DGKI: variants seen among roughly 807,000 people sequenced by gnomAD.
DGKI encodes DAG kinase iota.
In DGKI, 55 loss-of-function variants were observed where a neutral mutation model predicts 147.5. The observed-to-expected ratio is 0.37, with a 90% CI of 0.30 to 0.47. The LOEUF is 0.47. Ranked by LOEUF, DGKI falls within the 20% of genes least tolerant of loss-of-function variation. The probability of loss-of-function intolerance (pLI) is 1.00; values close to 1 mark genes in which losing one functional copy is unlikely to be tolerated. For missense variants in DGKI, 1,007 were observed against 1,323.8 expected (o/e 0.76, Z 3.71); for synonymous variants, 469 against 477.1 (o/e 0.98, Z 0.22).
chr7:137,390,225 C>T lies in DGKI; in HGVS notation c.*995G>A, dbSNP rs1301376802. The T allele has an allele frequency of 6.6e-6, 1 of 152,096 alleles. No individual in the cohort carries two copies. The highest frequency in any genetic ancestry group is 1.5e-5 in the Non-Finnish European group (1 of 67,970). 9.4% of individuals were successfully genotyped at this position (152,096 alleles called of 1,614,324 possible). On this transcript the variant is annotated 3_prime_UTR_variant, in exon 33 of 33. Coordinates refer to ENST00000614521, the MANE Select transcript of DGKI (RefSeq NM_001321708.2). ...AATTAGGGTGCTTTCTATTATCATT[C>T]AACAAAGTTTAGAAGTAAACATTGT...
chr7:137,751,339 T>C (rs980772067), intron 1 of DGKI, among the ~76,000 whole-genome samples: 22 of 152,248 alleles, frequency 1.4e-4, no homozygotes, highest in Non-Finnish European at 3.1e-4. Flanking sequence ...TCTGTTATGT[T>C]AGCAGATTCC....
At position 137,619,430 on chromosome 7, in the gene DGKI, A is replaced by T. The variant is rs995978873; in HGVS notation, c.993+394T>A. Among the ~76,000 whole-genome samples, 3 of 152,222 alleles carry T rather than the reference A, an allele frequency of 2.0e-5. No individual in the cohort carries two copies. In the South Asian group the frequency reaches 6.2e-4, roughly 32 times the overall value. On this transcript the variant is annotated intron_variant, in intron 8 of 32. Coordinates refer to ENST00000614521, the MANE Select transcript of DGKI (RefSeq NM_001321708.2). ...TGGCAGGAATCTTAACCAAACCATG[A>T]AGCCTGAACAGTTTGCCCTCACACT...
chr7:137,477,967 G>C (rs1166598016), intron 23 of DGKI, among the ~76,000 whole-genome samples: 1 of 152,136 alleles, frequency 6.6e-6, no homozygotes, highest in Non-Finnish European at 1.5e-5. Flanking sequence ...AGCTACATTT[G>C]TATTTTTAAA....
intron 1 of DGKI, among the ~76,000 whole-genome samples, chr7:137,777,212 G>A (rs1796387938): frequency 6.6e-6 from 1 of 152,028 alleles, no homozygotes. Context: ...AAAAGGATGA[G>A]GCGGGAGAAA....
intron 12 of DGKI, among the ~76,000 whole-genome samples, chr7:137,595,063 C>T (rs1210878026): frequency 6.6e-6 from 1 of 152,060 alleles, no homozygotes; most frequent in Admixed American, 6.5e-5. Flanking sequence ...TGAATTACAT[C>T]AGAGGAGGTA....
rs546600707 is a variant in DGKI at position 137,472,117 on chromosome 7, A to ATT, written c.2374-2499_2374-2498insAA. Among the ~76,000 whole-genome samples the ATT allele has an allele frequency of 2.4e-3, 283 of 116,710 alleles. 6 individuals are homozygous for ATT. Among genetic ancestry groups the ATT allele is most frequent in the African/African-American group, 9.8e-3 (264 of 26,846 alleles). The allele number at this position is 116,710 out of a possible 152,430, so 76.6% of individuals were successfully genotyped here. A position where few individuals can be genotyped will look rare whatever the true frequency, so the allele number is the denominator to read the frequency against. On this transcript the variant is annotated intron_variant, in intron 23 of 32. Transcript: ENST00000614521. ...TACACATATATGTGTATATATACAT[A>ATT]TAAATATATATACACATATATATGT...
At chr7:137,592,535 C>T (rs889446168) in intron 12 of DGKI, among the ~76,000 whole-genome samples, 3 of 152,196 alleles carry the variant, frequency 2.0e-5, no homozygotes, top group African/African-American at 4.8e-5. Flanking sequence ...TTTCATTCTG[C>T]AGTATACTAA....
intron 20 of DGKI, among the ~76,000 whole-genome samples, chr7:137,525,749 A>T (rs1422837614): frequency 1.3e-5 from 2 of 152,206 alleles, no homozygotes; most frequent in African/African-American, 4.8e-5. Context: ...TCATTATAAT[A>T]ATTATTCTGA....
intron 28 of DGKI, among the ~76,000 whole-genome samples, chr7:137,423,775 A>T (rs1449465138): frequency 6.6e-6 from 1 of 152,382 alleles, no homozygotes; most frequent in East Asian, 1.9e-4. Flanking sequence ...AGCAAAATGC[A>T]CATACGGCAA....
intron 2 of DGKI, among the ~76,000 whole-genome samples, chr7:137,680,879 A>C (rs111246384): frequency 2.1e-3 from 315 of 152,340 alleles, no homozygotes; most frequent in African/African-American, 7.2e-3. Flanking sequence ...GTATTTCTTC[A>C]GATTCAGATA....
In DGKI at chr7:137,597,837, A is replaced by AG. The variant is rs1819850726; in HGVS notation, c.1311+9dup. 1 of 1,613,180 alleles carries AG rather than the reference A, an allele frequency of 6.2e-7. No individual in the cohort carries two copies. Among genetic ancestry groups the AG allele is most frequent in the South Asian group, 1.1e-5 (1 of 90,962 alleles). ...TTGGCAGAGAACTGGATTCTCTCTC[A>AG]GGGACCTACCGTTCCATCCCCACCA... On this transcript the variant is annotated intron_variant, in intron 12 of 32. Coordinates refer to ENST00000614521, the MANE Select transcript of DGKI (RefSeq NM_001321708.2).
chr7:137,417,077 A>G (rs1393201620), intron 28 of DGKI, among the ~76,000 whole-genome samples: 1 of 152,188 alleles, frequency 6.6e-6, no homozygotes, highest in Non-Finnish European at 1.5e-5. Context: ...AACCTTCTGA[A>G]GGATTGAGCT....
intron 11 of DGKI, among the ~76,000 whole-genome samples, chr7:137,598,466 T>C (rs706567): frequency 0.14 from 21,482 of 152,168 alleles, 2,931 homozygotes; most frequent in African/African-American, 0.35. Flanking sequence ...CATCTAGTCT[T>C]TCTCTCAGCT....
At chr7:137,402,670 T>C (rs1386324801) in intron 30 of DGKI, among the ~76,000 whole-genome samples, 1 of 152,178 alleles carries the variant, frequency 6.6e-6, no homozygotes, top group African/African-American at 2.4e-5. Context: ...CCATGGCCTC[T>C]CTCTGGGCCC....
At chr7:137,732,164 T>C (rs761469564) in intron 1 of DGKI, among the ~76,000 whole-genome samples, 3 of 152,102 alleles carry the variant, frequency 2.0e-5, no homozygotes, top group Non-Finnish European at 2.9e-5. Context: ...AGTTTCACAA[T>C]AGTATATATA....
At chr7:137,448,026 G>A (rs936233833) in intron 27 of DGKI, among the ~76,000 whole-genome samples, 23 of 152,252 alleles carry the variant, frequency 1.5e-4, no homozygotes, top group African/African-American at 5.3e-4. Context: ...ACATGAAGAA[G>A]AGCTACCAAG....
At position 137,387,288 on chromosome 7, in the gene DGKI, C is replaced by A. The variant is rs1042529359; in HGVS notation, c.*3932G>T. On this transcript the variant is annotated 3_prime_UTR_variant, in exon 33 of 33. Transcript: ENST00000614521. ...CATGCTTCATGGAAGGCAACATAAACAATTACAGGAACTCTTGGTCATGAA... is the reference window on the plus strand; with the variant it reads ...CATGCTTCATGGAAGGCAACATAAAAAATTACAGGAACTCTTGGTCATGAA... 2.0e-5 allele frequency: 3 copies of A among 152,108 alleles called. No homozygotes were observed. Among genetic ancestry groups the A allele is most frequent in the African/African-American group, 7.2e-5 (3 of 41,430 alleles). The allele number at this position is 152,108 out of a possible 1,614,324, so 9.4% of individuals were successfully genotyped here. A position where few individuals can be genotyped will look rare whatever the true frequency, so the allele number is the denominator to read the frequency against.
At chr7:137,666,443 G>A (rs1181738364) in intron 3 of DGKI, among the ~76,000 whole-genome samples, 5 of 152,040 alleles carry the variant, frequency 3.3e-5, no homozygotes, top group Admixed American at 2.6e-4. Flanking sequence ...AGAAAGCTAC[G>A]ACGTGAATCT....
intron 27 of DGKI, chr7:137,453,118 A>G (rs1345138101): frequency 6.6e-6 from 1 of 152,250 alleles, no homozygotes; most frequent in Non-Finnish European, 1.5e-5. Flanking sequence ...GATGCTACAC[A>G]AATTCCATCT....
Sources: gnomAD v4.1 joint callset for allele counts (sites outside exome capture counted in the v4.1 genomes callset) on GRCh38, gnomAD v4.1.1 for gene constraint, MANE v1.5 for transcripts, NCBI Gene and HGNC (gene_info 2026-07-23, HGNC 2026-07-21) for gene names.